Variants in FGF14 observed in about 807,000 individuals in gnomAD.
FGF14 encodes the protein fibroblast growth factor 14.
A neutral mutation model predicts 25.5 loss-of-function variants in FGF14; 5 were observed. That is an observed-to-expected ratio of 0.20 (90% CI 0.10 to 0.41). The LOEUF (loss-of-function observed/expected upper bound fraction) is 0.41. Among genes scored for constraint, FGF14 ranks in the 10% least tolerant of loss-of-function variants. The pLI, the probability that FGF14 is intolerant of heterozygous loss-of-function variation, is 1.00. For missense variants in FGF14, 222 were observed against 320.1 expected, an observed-to-expected ratio of 0.69 and a Z score of 2.34; for synonymous variants, 138 against 118.3, an observed-to-expected ratio of 1.17 and a Z score of -1.08.
At chr13:101,723,158 A>G in intron 4 of FGF14, 191 bp from the exon 5 acceptor site, 1 of 678,142 alleles carries the variant, frequency 1.5e-6, no homozygotes, top group South Asian at 1.7e-5. Context: ...TACTCCCTTC[A>G]CATTCTCTGG....
At chr13:101,960,101 C>A (rs1367189421) in intron 1 of FGF14, among the ~76,000 whole-genome samples, 2 of 152,136 alleles carry the variant, frequency 1.3e-5, no homozygotes, top group Admixed American at 1.3e-4. Context: ...TTGCCTCAAC[C>A]TGAATATTTT....
At chr13:101,948,426 G>A (rs2035947415) in intron 1 of FGF14, among the ~76,000 whole-genome samples, 1 of 150,950 alleles carries the variant, frequency 6.6e-6, no homozygotes, top group African/African-American at 2.4e-5. Flanking sequence ...TAACAAACCT[G>A]CACGTTGTGC....
In FGF14 at chr13:101,758,799, G is replaced by T. The variant is rs551844737; in HGVS notation, c.409-31989C>A. 2.6e-5 allele frequency among the ~76,000 whole-genome samples: 4 copies of T among 152,216 alleles called. No individual in the cohort carries two copies. In the South Asian group the frequency reaches 8.3e-4, roughly 32 times the overall value. ...ACAATTCAGTGTGCATTTGTATCTGGGCCCCATGAATTTCAAATCAGCAGT... is the reference window on the plus strand; with the variant it reads ...ACAATTCAGTGTGCATTTGTATCTGTGCCCCATGAATTTCAAATCAGCAGT... On this transcript the variant is annotated intron_variant, in intron 3 of 4. Coordinates refer to ENST00000376143, the MANE Select transcript of FGF14 (RefSeq NM_004115.4).
intron 1 of FGF14, among the ~76,000 whole-genome samples, chr13:101,985,198 G>C (rs1200936939): frequency 6.6e-6 from 1 of 151,342 alleles, no homozygotes; most frequent in Admixed American, 6.6e-5. Flanking sequence ...TCTTCAAAAA[G>C]GAGTTTAACC....
intron 1 of FGF14, among the ~76,000 whole-genome samples, chr13:102,199,001 G>A (rs1485948696): frequency 1.3e-5 from 2 of 152,178 alleles, no homozygotes; most frequent in Admixed American, 6.5e-5. Context: ...GATGATGCAG[G>A]TCTTGAAATA....
intron 1 of FGF14, among the ~76,000 whole-genome samples, chr13:102,054,703 C>A (rs966901984): frequency 2.0e-5 from 3 of 152,160 alleles, no homozygotes; most frequent in Non-Finnish European, 4.4e-5. Context: ...TGTCTAAACT[C>A]AAATTCAACT....
intron 1 of FGF14, among the ~76,000 whole-genome samples, chr13:102,044,867 T>A (rs1411898746): frequency 6.6e-6 from 1 of 152,162 alleles, no homozygotes; most frequent in Non-Finnish European, 1.5e-5. Context: ...TATTGACATA[T>A]GTCTACCAAA....
chr13:102,106,974 C>T (rs982308466), intron 1 of FGF14, among the ~76,000 whole-genome samples: 1 of 152,164 alleles, frequency 6.6e-6, no homozygotes, highest in Non-Finnish European at 1.5e-5. Flanking sequence ...CGATAGCTCA[C>T]GGAAGCATTT....
At chr13:102,151,406 T>C (rs781234228) in intron 1 of FGF14, among the ~76,000 whole-genome samples, 1 of 152,192 alleles carries the variant, frequency 6.6e-6, no homozygotes, top group Non-Finnish European at 1.5e-5. Context: ...TCTTACGCCT[T>C]ATTTTAAAAG....
At chr13:102,090,019 G>T (rs753652462) in intron 1 of FGF14, among the ~76,000 whole-genome samples, 13 of 152,132 alleles carry the variant, frequency 8.5e-5, no homozygotes, top group Non-Finnish European at 1.8e-4. Flanking sequence ...AACAGACCCT[G>T]TTGAATAATT....
intron 3 of FGF14, among the ~76,000 whole-genome samples, chr13:101,801,250 G>A (rs1394210699): frequency 6.6e-6 from 1 of 152,142 alleles, no homozygotes; most frequent in Non-Finnish European, 1.5e-5. Context: ...TAGAGTCTTA[G>A]GGTCTATAAG....
intron 1 of FGF14, among the ~76,000 whole-genome samples, chr13:102,350,798 G>A (rs752214740): frequency 2.6e-5 from 4 of 152,188 alleles, no homozygotes; most frequent in African/African-American, 7.2e-5. Flanking sequence ...AAGGAGTGGC[G>A]TAAGATGCAG....
At chr13:102,082,245 A>C (rs999476590) in intron 1 of FGF14, among the ~76,000 whole-genome samples, 3 of 152,152 alleles carry the variant, frequency 2.0e-5, no homozygotes, top group African/African-American at 7.2e-5. Context: ...GGAAAAAAAA[A>C]AAAAAAACAG....
At chr13:102,322,834 C>T (rs565477555) in intron 1 of FGF14, among the ~76,000 whole-genome samples, 7 of 152,078 alleles carry the variant, frequency 4.6e-5, no homozygotes, top group African/African-American at 1.4e-4. Context: ...CACATACATT[C>T]CCGTACTGTC....
chr13:101,955,472 TA>T (rs1214737820), intron 1 of FGF14, among the ~76,000 whole-genome samples: 1 of 152,210 alleles, frequency 6.6e-6, no homozygotes, highest in Non-Finnish European at 1.5e-5. Context: ...CACAAAGACA[TA>T]AAAATTAGCT....
chr13:101,754,442 C>T (rs1356598099), intron 3 of FGF14, among the ~76,000 whole-genome samples: 2 of 152,062 alleles, frequency 1.3e-5, no homozygotes, highest in African/African-American at 4.8e-5. Context: ...TTAACAATAA[C>T]AAATGGCCAG....
chr13:102,021,739 G>C (rs1213930459), intron 1 of FGF14, among the ~76,000 whole-genome samples: 1 of 152,022 alleles, frequency 6.6e-6, no homozygotes, highest in Non-Finnish European at 1.5e-5. Context: ...CTCACTGCCA[G>C]AAATACCAAA....
At chr13:102,326,389 A>G (rs895671610) in intron 1 of FGF14, among the ~76,000 whole-genome samples, 1 of 152,098 alleles carries the variant, frequency 6.6e-6, no homozygotes, top group African/African-American at 2.4e-5. Context: ...TCAAACCCAA[A>G]AGAAGAATAC....
intron 1 of FGF14, among the ~76,000 whole-genome samples, chr13:101,992,870 A>G (rs1414145785): frequency 6.6e-6 from 1 of 152,060 alleles, no homozygotes; most frequent in Non-Finnish European, 1.5e-5. Flanking sequence ...CATTTTTGGA[A>G]TAGCAAAAGG....
Sources: gnomAD v4.1 joint callset for allele counts (sites outside exome capture counted in the v4.1 genomes callset) on GRCh38, gnomAD v4.1.1 for gene constraint, MANE v1.5 for transcripts, NCBI Gene and HGNC (gene_info 2026-07-23, HGNC 2026-07-21) for gene names.